The following PPM1E variants were observed in gnomAD, a reference collection of about 807,000 sequenced individuals.
PPM1E encodes the protein protein phosphatase 1E.
A neutral mutation model predicts 65.9 loss-of-function variants in PPM1E; 20 were observed. That is an observed-to-expected ratio of 0.30 (90% CI 0.21 to 0.44). PPM1E has a LOEUF of 0.44. PPM1E is among the 20% of genes least tolerant of loss of function. The pLI is 1.00. For missense variants in PPM1E, 713 were observed against 953.1 expected (o/e 0.75, Z 3.32); for synonymous variants, 352 against 374.9 (o/e 0.94, Z 0.70).
At chr17:58,764,790 C>T (rs557512976) in intron 1 of PPM1E, among the ~76,000 whole-genome samples, 4 of 151,902 alleles carry the variant, frequency 2.6e-5, no homozygotes, top group Admixed American at 6.6e-5. Flanking sequence ...GATGAGGTTT[C>T]GCCATGTTAG....
chr17:58,821,566 TAC>T (rs1194944320), intron 1 of PPM1E, among the ~76,000 whole-genome samples: 1 of 152,180 alleles, frequency 6.6e-6, no homozygotes, highest in Non-Finnish European at 1.5e-5. Flanking sequence ...TTGGTATAGA[TAC>T]ACACACTCTG....
intron 1 of PPM1E, among the ~76,000 whole-genome samples, chr17:58,794,906 TGAGGCAGAGTCTTGCTCTG>T (rs2050191586): frequency 1.4e-5 from 2 of 140,152 alleles, no homozygotes; most frequent in African/African-American, 5.2e-5. Flanking sequence ...TTTTTTTTTT[TGAGGCAGAGTCTTGCTCTG>T]TCACCCAGAC....
intron 1 of PPM1E, among the ~76,000 whole-genome samples, chr17:58,953,787 G>A (rs189733204): frequency 1.7e-5 from 2 of 114,542 alleles, no homozygotes; most frequent in Admixed American, 1.1e-4. Context: ...CACTCTTGTT[G>A]CCCAGGCTAG....
chr17:58,956,477 C>T (rs1299182093), intron 2 of PPM1E, among the ~76,000 whole-genome samples: 1 of 151,168 alleles, frequency 6.6e-6, no homozygotes, highest in African/African-American at 2.4e-5. Flanking sequence ...AAAACCTTAA[C>T]TTTGTATCAA....
rs1229193847 is a variant in PPM1E, at chr17:58,969,590, G to A, written c.835G>A (p.Asp279Asn). 1.2e-6 allele frequency: 2 copies of A among 1,614,018 alleles called. No individual in the cohort carries two copies. Among genetic ancestry groups the A allele is most frequent in the Non-Finnish European group, 1.7e-6 (2 of 1,180,030 alleles). Residue 279 changes from aspartate (D) to asparagine (N), a missense_variant, in exon 4 of 7, where the codon GAT (aspartate) becomes AAT (asparagine). Physicochemically the swap from Asp to Asn is conservative, Grantham distance 23 (BLOSUM62 1). Coordinates refer to ENST00000308249, the MANE Select transcript of PPM1E (RefSeq NM_014906.5). ...AGTGTTTGATGGCCATGGGGGAGTA[G>A]ATGCTGCTATTTATGCCTCCATTCA... ...FAVFDGHGGVDAAIYASIHLH... is the reference protein window; with the variant it reads ...FAVFDGHGGVNAAIYASIHLH...
chr17:58,898,075 C>T (rs967096482), intron 1 of PPM1E, among the ~76,000 whole-genome samples: 1 of 151,936 alleles, frequency 6.6e-6, no homozygotes, highest in African/African-American at 2.4e-5. Flanking sequence ...CATGGTGAAA[C>T]TCCGTCTCTA....
intron 1 of PPM1E, among the ~76,000 whole-genome samples, chr17:58,926,024 T>C (rs908401188): frequency 2.0e-5 from 3 of 152,140 alleles, no homozygotes; most frequent in African/African-American, 7.2e-5. Flanking sequence ...GTGTTAATGT[T>C]AAGTGGTTTG....
At chr17:58,912,038 C>A (rs1479945738) in intron 1 of PPM1E, among the ~76,000 whole-genome samples, 2 of 152,250 alleles carry the variant, frequency 1.3e-5, no homozygotes, top group Non-Finnish European at 1.5e-5. Context: ...CTGTGTCCTT[C>A]CCCTATTGGC....
chr17:58,975,525 A>G (rs1249806837), intron 6 of PPM1E, among the ~76,000 whole-genome samples: 1 of 152,222 alleles, frequency 6.6e-6, no homozygotes, highest in Non-Finnish European at 1.5e-5. Flanking sequence ...GACTTCATAC[A>G]TAGAGTGACT....
chr17:58,938,787 CTTTTTT>C (rs565049669), intron 1 of PPM1E, among the ~76,000 whole-genome samples: 2 of 125,170 alleles, frequency 1.6e-5, no homozygotes, highest in Non-Finnish European at 3.4e-5. Context: ...TACACTAATT[CTTTTTT>C]TTTTTTTTTT....
At chr17:58,770,611 T>C (rs996817330) in intron 1 of PPM1E, among the ~76,000 whole-genome samples, 3 of 152,100 alleles carry the variant, frequency 2.0e-5, no homozygotes, top group Admixed American at 1.3e-4. Flanking sequence ...ACCTTACAAA[T>C]GAATAGCAAA....
chr17:58,917,467 T>C (rs1176208463), intron 1 of PPM1E, among the ~76,000 whole-genome samples: 1 of 152,188 alleles, frequency 6.6e-6, no homozygotes, highest in Non-Finnish European at 1.5e-5. Flanking sequence ...AATGCCCAGA[T>C]GTGTTGTGGT....
At chr17:58,784,524 C>T (rs1391654641) in intron 1 of PPM1E, among the ~76,000 whole-genome samples, 2 of 129,818 alleles carry the variant, frequency 1.5e-5, no homozygotes, top group East Asian at 2.1e-4. Flanking sequence ...TTTTTTGAGA[C>T]GGAGTCTTTA....
chr17:58,981,984 T>C lies in PPM1E; in HGVS notation c.*953T>C. The C allele has an allele frequency of 6.6e-6, 1 of 152,656 alleles. No homozygotes were observed. The highest frequency in any genetic ancestry group is 6.5e-5 in the Admixed American group (1 of 15,280). 9.5% of individuals were successfully genotyped at this position (152,656 alleles called of 1,614,324 possible). On this transcript the variant is annotated 3_prime_UTR_variant, in exon 7 of 7. Transcript: ENST00000308249. ...CAGACAGCAAAGGCATGTACTACTA[T>C]AAAATACAAAGTGATTTTAGAGAAT...
rs1567842161 is a variant in PPM1E at position 58,816,771 on chromosome 17, TATATATATATATATATATA to T, written c.464+60311_464+60329del. On this transcript the variant is annotated intron_variant, in intron 1 of 6. Transcript: ENST00000308249. ...ATATATATATATATATATATATATA[TATATATATATATATATATA>T]TATATTTTTTTTTTTTTTTTTTTGA... Among the ~76,000 whole-genome samples, 135 of 17,232 alleles carry T rather than the reference TATATATATATATATATATA, an allele frequency of 7.8e-3. 3 individuals carry two copies. Among genetic ancestry groups the T allele is most frequent in the South Asian group, 0.035 (28 of 798 alleles). 11.3% of individuals were successfully genotyped at this position (17,232 alleles called of 152,430 possible). A position where few individuals can be genotyped will look rare whatever the true frequency, so the allele number is the denominator to read the frequency against.
At chr17:58,829,369 C>A (rs1318430987) in intron 1 of PPM1E, among the ~76,000 whole-genome samples, 2 of 152,086 alleles carry the variant, frequency 1.3e-5, no homozygotes, top group Admixed American at 6.6e-5. Context: ...TATTGTATAA[C>A]CTTTTGTTTT....
chr17:58,866,502 A>G (rs1206981699), intron 1 of PPM1E, among the ~76,000 whole-genome samples: 1 of 152,228 alleles, frequency 6.6e-6, no homozygotes, highest in Non-Finnish European at 1.5e-5. Context: ...CTTAGCGGCA[A>G]CTGTTTCCAT....
At chr17:58,953,559 A>G (rs569928647) in intron 1 of PPM1E, among the ~76,000 whole-genome samples, 44 of 152,318 alleles carry the variant, frequency 2.9e-4, no homozygotes, top group African/African-American at 9.9e-4. Context: ...CACCTTGAAC[A>G]TCGGGGATCA....
intron 4 of PPM1E, among the ~76,000 whole-genome samples, chr17:58,970,652 G>T (rs2030546194): frequency 6.6e-6 from 1 of 152,074 alleles, no homozygotes; most frequent in Admixed American, 6.6e-5. Flanking sequence ...TTAAGAAAGA[G>T]AATTATTCTT....
Sources: allele counts gnomAD v4.1 joint callset (sites outside exome capture counted in the v4.1 genomes callset), GRCh38; gene constraint gnomAD v4.1.1; transcripts MANE v1.5; gene names NCBI Gene and HGNC (gene_info 2026-07-23, HGNC 2026-07-21).